MAP3K2: variants seen among roughly 807,000 people sequenced by gnomAD.
MAP3K2 encodes MAP/ERK kinase kinase 2.
Under a neutral mutation model 80.3 loss-of-function variants are expected in MAP3K2, and 24 were observed. That is an observed-to-expected ratio of 0.30 (90% CI 0.22 to 0.42). The LOEUF is 0.42. Among genes scored for constraint, MAP3K2 ranks in the 10% least tolerant of loss-of-function variants. MAP3K2 has a pLI of 1.00. For synonymous variants in MAP3K2, 244 were observed against 253.7 expected, an observed-to-expected ratio of 0.96 and a Z score of 0.36; for missense variants, 608 against 750.1, an observed-to-expected ratio of 0.81 and a Z score of 2.21.
At chr2:127,338,743 C>G (rs991099553) in intron 3 of MAP3K2, among the ~76,000 whole-genome samples, 189 bp downstream of exon 3, 1 of 152,142 alleles carries the variant, frequency 6.6e-6, no homozygotes, top group East Asian at 1.9e-4. Context: ...CTGATGGACA[C>G]TGAAGTTGAT....
At chr2:127,346,410 T>TAA (rs70985447) in intron 1 of MAP3K2, among the ~76,000 whole-genome samples, 256 of 95,810 alleles carry the variant, frequency 2.7e-3, no homozygotes, top group East Asian at 7.5e-3. Context: ...AAACTGGTTT[T>TAA]AAAAAAAAAA....
intron 1 of MAP3K2, among the ~76,000 whole-genome samples, chr2:127,368,293 G>C (rs564452508): frequency 4.8e-4 from 72 of 151,430 alleles, no homozygotes; most frequent in African/African-American, 1.6e-3. Context: ...CTGCACTCCA[G>C]CCTGGGTGAC....
intron 14 of MAP3K2, among the ~76,000 whole-genome samples, chr2:127,315,972 G>C (rs964177511): frequency 1.3e-5 from 2 of 152,132 alleles, no homozygotes; most frequent in Non-Finnish European, 2.9e-5. Flanking sequence ...CTACTCAGGA[G>C]GCTGAGGCAG....
intron 15 of MAP3K2, among the ~76,000 whole-genome samples, chr2:127,313,704 CATT>C (rs1275152338): frequency 6.6e-6 from 1 of 152,164 alleles, no homozygotes. Flanking sequence ...GCAATTTTGT[CATT>C]ATGCAAACAT....
At chr2:127,311,855 C>T (rs1330328226) in intron 15 of MAP3K2, among the ~76,000 whole-genome samples, 3 of 152,136 alleles carry the variant, frequency 2.0e-5, no homozygotes, top group African/African-American at 7.2e-5. Context: ...GATAAATCTT[C>T]TAAGTCTTTC....
chr2:127,300,330 T>A lies in MAP3K2; in HGVS notation c.*7249A>T, dbSNP rs1357204078. On this transcript the variant is annotated 3_prime_UTR_variant, in exon 17 of 17. Transcript: ENST00000682094. ...ATCTTAATAGGAAAAAAACCCTTTG[T>A]ACATAATTATAAACTGCCCAGCATT... 1 of 152,166 alleles carries A rather than the reference T, an allele frequency of 6.6e-6. No homozygotes were observed. The highest frequency in any genetic ancestry group is 1.5e-5 in the Non-Finnish European group (1 of 67,988). The allele number at this position is 152,166 out of a possible 1,614,324, so 9.4% of individuals were successfully genotyped here.
chr2:127,341,112 C>A (rs537209871), intron 2 of MAP3K2, among the ~76,000 whole-genome samples: 1 of 151,932 alleles, frequency 6.6e-6, no homozygotes, highest in South Asian at 2.1e-4. Context: ...GCCTCAGCCT[C>A]CCGAGTAGCT....
intron 1 of MAP3K2, among the ~76,000 whole-genome samples, chr2:127,343,874 C>G (rs1255281493): frequency 6.6e-6 from 1 of 151,912 alleles, no homozygotes; most frequent in Admixed American, 6.6e-5. Context: ...CAAAAATTAG[C>G]CGGGTGCAGT....
intron 1 of MAP3K2, among the ~76,000 whole-genome samples, chr2:127,362,906 A>C (rs529203012): frequency 9.2e-5 from 14 of 152,374 alleles, no homozygotes; most frequent in African/African-American, 3.4e-4. Context: ...TACACACTAC[A>C]GTTGGCCCTC....
intron 1 of MAP3K2, among the ~76,000 whole-genome samples, chr2:127,368,079 T>C (rs1303603353): frequency 6.6e-6 from 1 of 151,980 alleles, no homozygotes; most frequent in Non-Finnish European, 1.5e-5. Context: ...CCCAGCACTC[T>C]GGGAGGCCGA....
intron 2 of MAP3K2, among the ~76,000 whole-genome samples, chr2:127,341,769 T>A (rs1034301954): frequency 1.3e-5 from 2 of 151,920 alleles, no homozygotes; most frequent in African/African-American, 4.8e-5. Flanking sequence ...CCTGACCTCG[T>A]GATCCACCCG....
At chr2:127,360,896 C>G (rs1686874515) in intron 1 of MAP3K2, among the ~76,000 whole-genome samples, 1 of 152,100 alleles carries the variant, frequency 6.6e-6, no homozygotes, top group South Asian at 2.1e-4. Context: ...ACACCAGTCA[C>G]CTCTGAGAAA....
intron 4 of MAP3K2, among the ~76,000 whole-genome samples, chr2:127,337,503 T>C (rs1686396846): frequency 6.6e-6 from 1 of 152,172 alleles, no homozygotes; most frequent in South Asian, 2.1e-4. Flanking sequence ...TAAACAGTGA[T>C]CTTATTTATC....
At chr2:127,349,771 A>G (rs1448029681) in intron 1 of MAP3K2, among the ~76,000 whole-genome samples, 1 of 152,168 alleles carries the variant, frequency 6.6e-6, no homozygotes, top group Non-Finnish European at 1.5e-5. Context: ...AAATTCTCCT[A>G]CCATACATAT....
chr2:127,375,887 A>G (rs1475538543), intron 1 of MAP3K2, among the ~76,000 whole-genome samples: 1 of 152,094 alleles, frequency 6.6e-6, no homozygotes, highest in African/African-American at 2.4e-5. Context: ...CTGAGTAACA[A>G]TATAGGTCAC....
chr2:127,339,154 G>C lies in MAP3K2; in HGVS notation c.5-104C>G, dbSNP rs1333994900. On this transcript the variant is annotated intron_variant, in intron 2 of 16. Coordinates refer to ENST00000682094, the MANE Select transcript of MAP3K2 (RefSeq NM_001371910.2). The surrounding 1 kb of genome is among the most constrained non-coding windows in gnomAD (Gnocchi z 4.2). ...AATTTAAAATAAAATTTGATGTAGA[G>C]AATGTATTAATGCAAAAATGCATCT... The C allele has an allele frequency of 1.4e-6, 1 of 697,600 alleles. No individual in the cohort carries two copies. The highest frequency in any genetic ancestry group is 2.1e-5 in the South Asian group (1 of 47,106). 43.2% of individuals were successfully genotyped at this position (697,600 alleles called of 1,614,324 possible).
chr2:127,362,933 G>T (rs1278015146), intron 1 of MAP3K2, among the ~76,000 whole-genome samples: 2 of 152,230 alleles, frequency 1.3e-5, no homozygotes, highest in Admixed American at 1.3e-4. Flanking sequence ...TGCACATTCC[G>T]CATGTGTGGA....
chr2:127,329,780 G>C (rs1162786420), intron 7 of MAP3K2, 141 bp downstream of exon 7: 8 of 582,538 alleles, frequency 1.4e-5, no homozygotes, highest in East Asian at 3.0e-5. Context: ...TCAAATATTA[G>C]AGTGTATTTA....
In MAP3K2 at chr2:127,364,687, GACT is replaced by G. The variant is rs1330844823; in HGVS notation, c.-65-21496_-65-21494del. On this transcript the variant is annotated intron_variant, in intron 1 of 16. Transcript: ENST00000682094. This position sits in a 1 kb window ranked among gnomAD's most constrained non-coding sequence, Gnocchi z 4.1. ...TTTTTACATGTGCTCTCTGCCACTA[GACT>G]ACAATAACCTCAAATATAGGAACTA... 6.6e-6 allele frequency among the ~76,000 whole-genome samples: 1 copy of G among 152,130 alleles called. No homozygotes were observed. Among genetic ancestry groups the G allele is most frequent in the African/African-American group, 2.4e-5 (1 of 41,424 alleles).
Sources: allele counts gnomAD v4.1 joint callset (sites outside exome capture counted in the v4.1 genomes callset), GRCh38; gene constraint gnomAD v4.1.1; non-coding constraint Gnocchi (gnomAD v3.1); transcripts MANE v1.5; gene names NCBI Gene and HGNC (gene_info 2026-07-23, HGNC 2026-07-21).